Variants in DCDC1 observed in about 807,000 individuals in gnomAD.
DCDC1 encodes the protein doublecortin domain containing 1.
Under a neutral mutation model 178.3 loss-of-function variants are expected in DCDC1, and 200 were observed. That is an observed-to-expected ratio of 1.12 (90% CI 1.00 to 1.26). The LOEUF (loss-of-function observed/expected upper bound fraction) is 1.26. DCDC1 is among the 50% of genes most tolerant of loss of function. DCDC1 has a pLI of 0.00. For missense variants in DCDC1, 1,983 were observed against 1,749.2 expected (o/e 1.13, Z -2.38); for synonymous variants, 690 against 604.8 (o/e 1.14, Z -2.07).
chr11:31,193,023 G>A (rs1390103218), intron 9 of DCDC1, among the ~76,000 whole-genome samples: 2 of 151,948 alleles, frequency 1.3e-5, no homozygotes, highest in African/African-American at 4.8e-5. Flanking sequence ...TCAAGTCTTT[G>A]GACCCTGGAA....
intron 34 of DCDC1, among the ~76,000 whole-genome samples, chr11:30,897,186 C>T (rs945460001): frequency 2.0e-5 from 3 of 152,188 alleles, no homozygotes; most frequent in Non-Finnish European, 4.4e-5. Context: ...TGTTAGCACT[C>T]AATTCTAAGA....
intron 8 of DCDC1, among the ~76,000 whole-genome samples, chr11:31,245,715 T>C (rs1039759426): frequency 6.6e-6 from 1 of 151,800 alleles, no homozygotes; most frequent in Admixed American, 6.6e-5. Flanking sequence ...CATGCTTCTA[T>C]AGGAAAAGGC....
intron 6 of DCDC1, among the ~76,000 whole-genome samples, chr11:31,297,108 G>A (rs986017838): frequency 6.6e-6 from 1 of 152,074 alleles, no homozygotes; most frequent in Non-Finnish European, 1.5e-5. Context: ...ACATCCAGAG[G>A]CAAGAAGAAA....
At chr11:31,197,953 G>A (rs1418067295) in intron 9 of DCDC1, among the ~76,000 whole-genome samples, 2 of 151,956 alleles carry the variant, frequency 1.3e-5, no homozygotes, top group Non-Finnish European at 2.9e-5. Context: ...CTACATCACT[G>A]TTGCCATGAA....
rs954982689 is a variant in DCDC1, at chr11:31,054,052, T to C, written c.2591+10417A>G. Among the ~76,000 whole-genome samples the C allele has an allele frequency of 2.6e-5, 4 of 152,088 alleles. No individual in the cohort carries two copies. The South Asian group carries it at 8.3e-4, about 32-fold the overall frequency. On this transcript the variant is annotated intron_variant, in intron 20 of 38. Transcript: ENST00000684477. ...AAACTGTCACTGTTTGCTGATGATA[T>C]GATTGTTTTACCTTGAAAACCCTAA...
chr11:31,265,613 A>C lies in DCDC1; in HGVS notation c.961-13T>G, dbSNP rs1179753031. Reference sequence around the variant, plus strand: ...AAGTATCTAAAACCTGTGCAGGAAAAAAAAATTATAAATAATTTAGTAAAC... The same window carrying C: ...AAGTATCTAAAACCTGTGCAGGAAACAAAAATTATAAATAATTTAGTAAAC... On this transcript the variant is annotated splice_polypyrimidine_tract_variant and intron_variant, in intron 7 of 38. Coordinates refer to ENST00000684477, the MANE Select transcript of DCDC1 (RefSeq NM_001387274.1). 7.9e-7 allele frequency: 1 copy of C among 1,269,918 alleles called. No individual in the cohort carries two copies. The highest frequency in any genetic ancestry group is 1.0e-6 in the Non-Finnish European group (1 of 970,876). 78.7% of individuals were successfully genotyped at this position (1,269,918 alleles called of 1,614,324 possible).
chr11:30,950,804 GA>G (rs1165412566), intron 21 of DCDC1, among the ~76,000 whole-genome samples: 5 of 152,036 alleles, frequency 3.3e-5, no homozygotes, highest in South Asian at 4.2e-4. Flanking sequence ...TAGCACGATA[GA>G]ATGACTAAAC....
chr11:30,937,152 T>C (rs142024083), intron 21 of DCDC1, among the ~76,000 whole-genome samples: 39 of 152,280 alleles, frequency 2.6e-4, no homozygotes, highest in Middle Eastern at 3.4e-3. Context: ...CATGTAAGAG[T>C]GACCCCTCAA....
intron 21 of DCDC1, among the ~76,000 whole-genome samples, chr11:30,947,921 A>T (rs1014343824): frequency 6.6e-6 from 1 of 152,134 alleles, no homozygotes; most frequent in African/African-American, 2.4e-5. Flanking sequence ...CTGAATAGAC[A>T]TTTCCTTAGA....
chr11:31,195,984 T>C (rs1565415086), intron 9 of DCDC1, among the ~76,000 whole-genome samples: 1 of 152,020 alleles, frequency 6.6e-6, no homozygotes, highest in Non-Finnish European at 1.5e-5. Context: ...TCCTCCTTGT[T>C]ACCCTCCTTT....
intron 8 of DCDC1, among the ~76,000 whole-genome samples, chr11:31,258,235 G>T (rs1186761155): frequency 6.6e-6 from 1 of 152,162 alleles, no homozygotes; most frequent in Non-Finnish European, 1.5e-5. Flanking sequence ...GTTAGACTGT[G>T]GGAGAAATAC....
chr11:31,309,144 G>A (rs1167503973), intron 3 of DCDC1, among the ~76,000 whole-genome samples: 5 of 143,054 alleles, frequency 3.5e-5, no homozygotes, highest in Admixed American at 2.7e-4. Flanking sequence ...ATAGATGTTT[G>A]TGTGTGTGTG....
chr11:31,087,285 G>GT (rs982342737), intron 17 of DCDC1, among the ~76,000 whole-genome samples: 90 of 151,568 alleles, frequency 5.9e-4, no homozygotes, highest in African/African-American at 2.1e-3. Context: ...AGATTTATTA[G>GT]TTTTTTTTAA....
intron 21 of DCDC1, chr11:30,943,926 C>T: frequency 4.2e-6 from 1 of 239,990 alleles, no homozygotes; most frequent in Admixed American, 5.1e-5. Context: ...CAAGATAATT[C>T]CATATTTCTA....
At chr11:31,031,061 G>T (rs1040593475) in intron 20 of DCDC1, among the ~76,000 whole-genome samples, 2 of 152,128 alleles carry the variant, frequency 1.3e-5, no homozygotes, top group Non-Finnish European at 2.9e-5. Context: ...AATTTCTGAT[G>T]AATTATTTTC....
At chr11:31,349,044 G>C (rs1044007252) in intron 1 of DCDC1, among the ~76,000 whole-genome samples, 13 of 151,804 alleles carry the variant, frequency 8.6e-5, no homozygotes, top group Non-Finnish European at 8.8e-5. Flanking sequence ...TTTAAGTGGG[G>C]AGGTTAAGAA....
chr11:31,097,002 T>G (rs1397922174), intron 15 of DCDC1, among the ~76,000 whole-genome samples: 2 of 152,230 alleles, frequency 1.3e-5, no homozygotes, highest in East Asian at 3.8e-4. Flanking sequence ...GGTGTCTAAA[T>G]GCATACTATC....
At chr11:31,341,428 T>C (rs946722893) in intron 1 of DCDC1, among the ~76,000 whole-genome samples, 4 of 150,246 alleles carry the variant, frequency 2.7e-5, no homozygotes, top group African/African-American at 1.0e-4. Context: ...GATAGATAGA[T>C]AGATAGATAG....
At chr11:30,915,016 T>C (rs191526319) in intron 27 of DCDC1, among the ~76,000 whole-genome samples, 1 of 152,288 alleles carries the variant, frequency 6.6e-6, no homozygotes, top group Non-Finnish European at 1.5e-5. Flanking sequence ...TGAATTAGGT[T>C]GATATATTTG....
Sources: allele counts gnomAD v4.1 joint callset (sites outside exome capture counted in the v4.1 genomes callset), GRCh38; gene constraint gnomAD v4.1.1; transcripts MANE v1.5; gene names NCBI Gene and HGNC (gene_info 2026-07-23, HGNC 2026-07-21).